ESR1: variants seen among roughly 807,000 people sequenced by gnomAD.
ESR1 encodes estrogen receptor.
In ESR1, 12 loss-of-function variants were observed where a neutral mutation model predicts 52.7. The observed-to-expected ratio is 0.23, with a 90% CI of 0.15 to 0.37. ESR1 has a LOEUF of 0.37. Ranked by LOEUF, ESR1 falls within the 10% of genes least tolerant of loss-of-function variation. The probability of loss-of-function intolerance (pLI) is 1.00; values close to 1 mark genes in which losing one functional copy is unlikely to be tolerated. For missense variants in ESR1, 584 were observed against 779.7 expected (o/e 0.75, Z 2.99); for synonymous variants, 305 against 316.8 (o/e 0.96, Z 0.39).
At chr6:152,063,486 C>G (rs2047711867) in intron 6 of ESR1, among the ~76,000 whole-genome samples, 3 of 152,290 alleles carry the variant, frequency 2.0e-5, no homozygotes, top group Non-Finnish European at 4.4e-5. Flanking sequence ...CAGGGCTCCT[C>G]ATGTCTCCTA....
downstream of ESR1, among the ~76,000 whole-genome samples, chr6:152,103,787 A>G (rs569428274): frequency 2.0e-5 from 3 of 152,238 alleles, no homozygotes; most frequent in South Asian, 6.2e-4. Flanking sequence ...AGCAGGAACA[A>G]TTGGTCCACC....
chr6:151,683,084 T>C (rs1778519850), intron 1 of ESR1, among the ~76,000 whole-genome samples: 1 of 152,242 alleles, frequency 6.6e-6, no homozygotes, highest in Non-Finnish European at 1.5e-5. Context: ...TCCTCTTATC[T>C]TCCTTATGTC....
rs1462893414 is a variant in ESR1 at position 151,944,323 on chromosome 6, A to G, written c.911A>G (p.Asn304Ser). Residue 304 changes from asparagine to serine, a missense_variant, in exon 4 of 8, where the codon AAC (asparagine) becomes AGC (serine). Around this residue, in one of 6 missense-constraint regions of ESR1, gnomAD observed 88 missense variants for 88.3 expected, o/e 1.00. Transcript: ENST00000206249. ...SPLMIKRSKK[N>S]SLALSLTADQ... ...CTCATGATCAAACGCTCTAAGAAGA[A>G]CAGCCTGGCCTTGTCCCTGACGGCC... The G allele has an allele frequency of 3.1e-6, 5 of 1,614,004 alleles. No individual in the cohort carries two copies. Among genetic ancestry groups the G allele is most frequent in the Non-Finnish European group, 4.2e-6 (5 of 1,180,008 alleles).
chr6:151,677,854 G>C (rs1489957248), intron 1 of ESR1, among the ~76,000 whole-genome samples: 1 of 152,164 alleles, frequency 6.6e-6, no homozygotes, highest in Non-Finnish European at 1.5e-5. Flanking sequence ...TATTGTTTCA[G>C]ATTTATTTTC....
rs556249659 is a variant in ESR1 at position 151,691,101 on chromosome 6, A to G, written c.-202+437A>G. 3.9e-5 allele frequency among the ~76,000 whole-genome samples: 6 copies of G among 152,370 alleles called. No homozygotes were observed. In the South Asian group the frequency reaches 1.2e-3, roughly 32 times the overall value. On this transcript the variant is annotated intron_variant, in intron 1 of 2. Transcript: ENST00000404742. ...ACCTGTTTTCTGAATCTTTGGAGCCATAACTTACGTGAGTTTGAACTAAGC... is the reference window on the plus strand; with the variant it reads ...ACCTGTTTTCTGAATCTTTGGAGCCGTAACTTACGTGAGTTTGAACTAAGC...
chr6:152,002,654 T>G (rs1207268317), intron 4 of ESR1, among the ~76,000 whole-genome samples: 1 of 151,972 alleles, frequency 6.6e-6, no homozygotes, highest in Non-Finnish European at 1.5e-5. Context: ...ATTTTTTCCC[T>G]TCTTTAGTTT....
chr6:151,668,819 C>G (rs1777919379), intron 1 of ESR1, among the ~76,000 whole-genome samples: 1 of 152,058 alleles, frequency 6.6e-6, no homozygotes, highest in Admixed American at 6.6e-5. Context: ...AGAAACACTA[C>G]TTTATTAGAG....
chr6:151,916,905 C>T (rs1015202219), intron 3 of ESR1, among the ~76,000 whole-genome samples: 2 of 152,190 alleles, frequency 1.3e-5, no homozygotes, highest in Non-Finnish European at 2.9e-5. Flanking sequence ...AATGAATATC[C>T]CTTTTTAAGT....
At chr6:151,980,753 G>A (rs1236988559) in intron 4 of ESR1, among the ~76,000 whole-genome samples, 1 of 152,138 alleles carries the variant, frequency 6.6e-6, no homozygotes, top group African/African-American at 2.4e-5. Context: ...GCCCAGGCTG[G>A]AGTGCTGTGG....
chr6:151,906,061 G>A (rs1797400527), intron 3 of ESR1, among the ~76,000 whole-genome samples: 3 of 152,212 alleles, frequency 2.0e-5, no homozygotes, highest in East Asian at 3.9e-4. Flanking sequence ...CAACCTCGGC[G>A]TAAATGGGTT....
chr6:151,972,127 C>T (rs970236486), intron 4 of ESR1, among the ~76,000 whole-genome samples: 4 of 151,984 alleles, frequency 2.6e-5, no homozygotes, highest in African/African-American at 9.7e-5. Flanking sequence ...TCTAAACAGA[C>T]CAATAGCAAG....
At chr6:152,073,468 C>G (rs1287539663) in intron 6 of ESR1, among the ~76,000 whole-genome samples, 1 of 152,134 alleles carries the variant, frequency 6.6e-6, no homozygotes, top group Non-Finnish European at 1.5e-5. Context: ...ACAAAAGTAA[C>G]CATTGTCAAC....
chr6:151,822,564 A>G (rs1780740829), intron 1 of ESR1, among the ~76,000 whole-genome samples: 1 of 152,160 alleles, frequency 6.6e-6, no homozygotes, highest in Non-Finnish European at 1.5e-5. Flanking sequence ...TCCTTGGGAG[A>G]TGATCATTTT....
At chr6:151,896,442 A>G (rs1356564887) in intron 3 of ESR1, among the ~76,000 whole-genome samples, 5 of 152,158 alleles carry the variant, frequency 3.3e-5, no homozygotes, top group Non-Finnish European at 7.4e-5. Context: ...GAATTTACCT[A>G]TCTCTTCTAG....
At chr6:151,936,443 A>G (rs1456269926) in intron 3 of ESR1, among the ~76,000 whole-genome samples, 1 of 152,170 alleles carries the variant, frequency 6.6e-6, no homozygotes, top group African/African-American at 2.4e-5. Context: ...ACTTTATGGG[A>G]AAAGAAAGGG....
chr6:151,808,478 C>G (rs1290728250), intron 1 of ESR1, 114 bp downstream of exon 1: 2 of 982,984 alleles, frequency 2.0e-6, no homozygotes, highest in African/African-American at 3.5e-5. Flanking sequence ...GACGCGCGAC[C>G]CGAGGGTGCG....
At chr6:151,874,700 C>T (rs1791522961) in intron 2 of ESR1, among the ~76,000 whole-genome samples, 1 of 152,116 alleles carries the variant, frequency 6.6e-6, no homozygotes, top group African/African-American at 2.4e-5. Context: ...ATGTAAGAAA[C>T]CCTTTGATCA....
In ESR1 at chr6:152,100,423, G is replaced by A. The variant is rs9341071; in HGVS notation, c.*1457G>A. 0.011 allele frequency: 2,701 copies of A among 247,916 alleles called. 66 individuals carry two copies. Among genetic ancestry groups the A allele is most frequent in the African/African-American group, 0.056 (2,512 of 45,132 alleles). 15.4% of individuals were successfully genotyped at this position (247,916 alleles called of 1,614,324 possible). ...ATCCTCCCCCTTCCTCCCCCGCCCCGTTCCCTACCGCCTCCACTCCTGCCA... is the reference window on the plus strand; with the variant it reads ...ATCCTCCCCCTTCCTCCCCCGCCCCATTCCCTACCGCCTCCACTCCTGCCA... On this transcript the variant is annotated 3_prime_UTR_variant, in exon 8 of 8. Coordinates refer to ENST00000206249, the MANE Select transcript of ESR1 (RefSeq NM_000125.4).
rs112836743 is a variant in ESR1 at position 152,099,869 on chromosome 6, C to A, written c.*903C>A. On this transcript the variant is annotated 3_prime_UTR_variant, in exon 8 of 8. Coordinates refer to ENST00000206249, the MANE Select transcript of ESR1 (RefSeq NM_000125.4). ...GGGCACTGTACTTGGATCTTCCCGG[C>A]GTGTGTGTGCCTTACACAGGGGTGA... 2 of 396,764 alleles carry A rather than the reference C, an allele frequency of 5.0e-6. No homozygotes were observed. The highest frequency in any genetic ancestry group is 8.8e-5 in the Admixed American group (2 of 22,674). 24.6% of individuals were successfully genotyped at this position (396,764 alleles called of 1,614,324 possible). A position where few individuals can be genotyped will look rare whatever the true frequency, so the allele number is the denominator to read the frequency against.
Sources: allele counts gnomAD v4.1 joint callset (sites outside exome capture counted in the v4.1 genomes callset), GRCh38; gene constraint gnomAD v4.1.1; regional missense constraint gnomAD v4.1.1; transcripts MANE v1.5; gene names NCBI Gene and HGNC (gene_info 2026-07-23, HGNC 2026-07-21).